Variants in HNF4G observed in about 807,000 individuals in gnomAD.
HNF4G encodes the protein hepatocyte nuclear factor 4 gamma.
HNF4G carries 21 observed loss-of-function variants against 50.9 expected under a neutral mutation model. The ratio of observed to expected loss-of-function variants is 0.41; its 90% confidence interval spans 0.29 to 0.59. HNF4G has a LOEUF of 0.59. HNF4G is among the 20% of genes least tolerant of loss of function. HNF4G has a pLI of 0.26. For missense variants in HNF4G, 527 were observed against 559.4 expected (o/e 0.94, Z 0.58); for synonymous variants, 198 against 185.6 (o/e 1.07, Z -0.54).
intron 1 of HNF4G, among the ~76,000 whole-genome samples, chr8:75,467,614 C>T (rs1283276004): frequency 1.3e-5 from 2 of 150,536 alleles, no homozygotes; most frequent in Non-Finnish European, 2.9e-5. Flanking sequence ...GAGTGGAGAT[C>T]GTGCCAGTGC....
chr8:75,433,032 C>T (rs1811049569), intron 1 of HNF4G, among the ~76,000 whole-genome samples: 2 of 152,184 alleles, frequency 1.3e-5, no homozygotes, highest in Admixed American at 6.5e-5. Context: ...CTCCTGCTAA[C>T]ACCTTAAGTG....
intron 2 of HNF4G, among the ~76,000 whole-genome samples, chr8:75,504,267 AC>A (rs1563532204): frequency 0.013 from 1,128 of 90,022 alleles, 14 homozygotes; most frequent in African/African-American, 0.059. Flanking sequence ...ACACACACAC[AC>A]ACACACACCA....
In HNF4G at chr8:75,528,738, C is replaced by A. The variant is rs561023858; in HGVS notation, c.-23-15073C>A. On this transcript the variant is annotated intron_variant, in intron 2 of 10. Transcript: ENST00000354370. ...ATTTATGAAACTGGTTCTCTAGTTT[C>A]ATTGTATAGTAATGCCCAAAAAGTG... 3.9e-5 allele frequency among the ~76,000 whole-genome samples: 6 copies of A among 152,136 alleles called. No homozygotes were observed. The South Asian group carries it at 1.2e-3, about 32-fold the overall frequency.
At chr8:75,533,146 A>T (rs1806373236) in intron 2 of HNF4G, among the ~76,000 whole-genome samples, 1 of 151,998 alleles carries the variant, frequency 6.6e-6, no homozygotes, top group South Asian at 2.1e-4. Flanking sequence ...TTGCATATGT[A>T]TTTTATTCAC....
intron 1 of HNF4G, among the ~76,000 whole-genome samples, chr8:75,475,122 G>A (rs879583013): frequency 6.6e-6 from 1 of 151,988 alleles, no homozygotes; most frequent in Non-Finnish European, 1.5e-5. Context: ...CGATTCTCCT[G>A]CCTCAGCCTC....
intron 1 of HNF4G, among the ~76,000 whole-genome samples, chr8:75,435,390 A>G (rs1811111822): frequency 6.6e-6 from 1 of 152,220 alleles, no homozygotes; most frequent in African/African-American, 2.4e-5. Flanking sequence ...ACCTAAAAAT[A>G]CAAGAGACTA....
At chr8:75,421,490 T>C (rs1180356331) in intron 1 of HNF4G, among the ~76,000 whole-genome samples, 1 of 152,200 alleles carries the variant, frequency 6.6e-6, no homozygotes, top group Non-Finnish European at 1.5e-5. Flanking sequence ...TTTTCTGGCA[T>C]TTACGAAAAA....
intron 1 of HNF4G, among the ~76,000 whole-genome samples, chr8:75,428,944 G>C (rs1038104129): frequency 7.9e-5 from 12 of 152,188 alleles, no homozygotes; most frequent in Admixed American, 2.0e-4. Flanking sequence ...CCAGTCAAGA[G>C]AGTATTTTAG....
Position 75,455,436 on chromosome 8 carries a change from G to A in HNF4G, c.-143-34653G>A, listed in dbSNP as rs993739860. ...TGTTGGTATCTTTAGTTACACACAG[G>A]CCACAATGATAATCAATGTGGTGAG... On this transcript the variant is annotated intron_variant, in intron 1 of 10. Transcript: ENST00000354370. Among the ~76,000 whole-genome samples, 3 of 152,186 alleles carry A rather than the reference G, an allele frequency of 2.0e-5. 1 individual carries two copies. The highest frequency in any genetic ancestry group is 4.1e-4 in the South Asian group (2 of 4,820).
At chr8:75,545,397 A>G (rs1192645175) in intron 2 of HNF4G, among the ~76,000 whole-genome samples, 1 of 152,120 alleles carries the variant, frequency 6.6e-6, no homozygotes, top group Non-Finnish European at 1.5e-5. Context: ...AGCAGCTTTT[A>G]GAGGTTTAAA....
rs11988947 is a variant in HNF4G at position 75,543,187 on chromosome 8, A to G, written c.119-624A>G. Among the ~76,000 whole-genome samples the G allele has an allele frequency of 9.8e-3, 1,495 of 152,300 alleles. 13 individuals are homozygous for G. Among genetic ancestry groups the G allele is most frequent in the African/African-American group, 0.03 (1,248 of 41,560 alleles). ...GCACCACTACTCTCTAGCCTGAGCA[A>G]CAGGGGGAACTCAGGCTCAAAAAAT... On this transcript the variant is annotated intron_variant, in intron 1 of 9. Transcript: ENST00000396423.
intron 2 of HNF4G, among the ~76,000 whole-genome samples, chr8:75,503,631 T>A (rs1422144405): frequency 6.6e-6 from 1 of 152,226 alleles, no homozygotes; most frequent in Admixed American, 6.5e-5. Context: ...ATGTTAGAGC[T>A]GAATCAGTGT....
chr8:75,454,495 G>T (rs968129966), intron 1 of HNF4G, among the ~76,000 whole-genome samples: 3 of 152,146 alleles, frequency 2.0e-5, no homozygotes, highest in East Asian at 3.9e-4. Flanking sequence ...TAGTCCACTT[G>T]TTGCCTTTCT....
chr8:75,543,151 G>A (rs2130787642), intron 1 of HNF4G, among the ~76,000 whole-genome samples: 1 of 152,272 alleles, frequency 6.6e-6, no homozygotes, highest in Admixed American at 6.5e-5. Flanking sequence ...AGGTTGCAGT[G>A]AGCCGAGATC....
At chr8:75,558,283 C>T (rs1807189022) in intron 6 of HNF4G, among the ~76,000 whole-genome samples, 1 of 152,090 alleles carries the variant, frequency 6.6e-6, no homozygotes, top group Non-Finnish European at 1.5e-5. Context: ...TGTGTTATCA[C>T]CAGTGACTGA....
intron 1 of HNF4G, among the ~76,000 whole-genome samples, chr8:75,474,234 T>C (rs1812188548): frequency 6.6e-6 from 1 of 152,216 alleles, no homozygotes; most frequent in African/African-American, 2.4e-5. Flanking sequence ...TTCTTTAATT[T>C]GAACACTGAC....
intron 1 of HNF4G, among the ~76,000 whole-genome samples, chr8:75,448,578 A>G (rs1811490389): frequency 6.6e-6 from 1 of 151,346 alleles, no homozygotes; most frequent in Non-Finnish European, 1.5e-5. Context: ...TAAGTATAAT[A>G]TGTGCTTATA....
chr8:75,544,965 C>A (rs1044603437), intron 2 of HNF4G, among the ~76,000 whole-genome samples: 2 of 151,922 alleles, frequency 1.3e-5, no homozygotes, highest in African/African-American at 2.4e-5. Context: ...CTGTCTAGTT[C>A]TCTGGTAATT....
chr8:75,510,483 A>T (rs1383325058), intron 2 of HNF4G, among the ~76,000 whole-genome samples: 1 of 152,212 alleles, frequency 6.6e-6, no homozygotes, highest in Non-Finnish European at 1.5e-5. Flanking sequence ...AGCAACTTCC[A>T]CTGTTGCCAA....
Sources: gnomAD v4.1 joint callset for allele counts (sites outside exome capture counted in the v4.1 genomes callset) on GRCh38, gnomAD v4.1.1 for gene constraint, MANE v1.5 for transcripts, NCBI Gene and HGNC (gene_info 2026-07-23, HGNC 2026-07-21) for gene names.